ZNF223: variants seen among roughly 807,000 people sequenced by gnomAD.
ZNF223 encodes Homo sapiens zinc finger protein 223.
ZNF223 carries 9 observed loss-of-function variants against 12.3 expected under a neutral mutation model. That is an observed-to-expected ratio of 0.73 (90% CI 0.44 to 1.28). ZNF223 has a LOEUF of 1.28. Ranked by LOEUF, ZNF223 falls within the 50% of genes most tolerant of loss-of-function variation. ZNF223 has a pLI of 0.00. For synonymous variants in ZNF223, 171 were observed against 195.2 expected (o/e 0.88, Z 1.03); for missense variants, 506 against 579.0 (o/e 0.87, Z 1.29).
chr19:44,051,876 TG>T (rs994583379), upstream of ZNF223: 8 of 152,096 alleles, frequency 5.3e-5, no homozygotes, highest in African/African-American at 9.7e-5. Context: ...CGTGGAACAC[TG>T]GGTATTTTGG....
At chr19:44,060,933 C>A in intron 4 of ZNF223, 92 bp downstream of exon 4, 1 of 1,245,048 alleles carries the variant, frequency 8.0e-7, no homozygotes, top group Non-Finnish European at 1.1e-6. Context: ...TCTAAATGGC[C>A]AAACATCTTT....
At chr19:44,056,991 C>A (rs2147470733) in intron 2 of ZNF223, among the ~76,000 whole-genome samples, 1 of 152,018 alleles carries the variant, frequency 6.6e-6, no homozygotes, top group Non-Finnish European at 1.5e-5. Context: ...TAAGAATCTT[C>A]TAAAAGGATA....
chr19:44,056,064 G>A lies in ZNF223; in HGVS notation c.15+873G>A, dbSNP rs1483441401. ...GCTCCCTTGAGTGATGACATCCATAGGTGGCGCTGCTTCTCCCTGTCCTGC... is the reference window on the plus strand; with the variant it reads ...GCTCCCTTGAGTGATGACATCCATAAGTGGCGCTGCTTCTCCCTGTCCTGC... On this transcript the variant is annotated intron_variant, in intron 2 of 4. Coordinates refer to ENST00000434772, the MANE Select transcript of ZNF223 (RefSeq NM_013361.6). 2.0e-5 allele frequency among the ~76,000 whole-genome samples: 3 copies of A among 152,072 alleles called. No individual in the cohort carries two copies. The South Asian group carries it at 6.2e-4, about 32-fold the overall frequency.
At chr19:44,053,087 G>C (rs1046626832) in intron 1 of ZNF223, among the ~76,000 whole-genome samples, 1 of 152,078 alleles carries the variant, frequency 6.6e-6, no homozygotes, top group Non-Finnish European at 1.5e-5. Context: ...CATTTCCATA[G>C]TTGTTCATTT....
chr19:44,055,261 T>TCACTACTCA lies in ZNF223; in HGVS notation c.15+70_15+71insCACTACTCA. 3 of 1,565,412 alleles carry TCACTACTCA rather than the reference T, an allele frequency of 1.9e-6. No homozygotes were observed. The African/African-American group carries it at 4.0e-5, about 21-fold the overall frequency. ...ACTCAGATTGTTGTGTGTTTTTCTCTGCCCTGGGAAGACTCAAGGAGAACA... is the reference window on the plus strand; with the variant it reads ...ACTCAGATTGTTGTGTGTTTTTCTCTCACTACTCAGCCCTGGGAAGACTCAAGGAGAACA... On this transcript the variant is annotated intron_variant, in intron 2 of 4. Transcript: ENST00000434772.
At chr19:44,056,620 G>C (rs1976771828) in intron 2 of ZNF223, among the ~76,000 whole-genome samples, 1 of 100,906 alleles carries the variant, frequency 9.9e-6, no homozygotes, top group African/African-American at 4.6e-5. Context: ...TTGAGATAGA[G>C]TCTCTCTCTG....
rs1976940206 is a variant in ZNF223 at position 44,067,649 on chromosome 19, C to T, written c.*372C>T. 9.9e-6 allele frequency: 4 copies of T among 404,202 alleles called. No homozygotes were observed. The highest frequency in any genetic ancestry group is 3.1e-5 in the Admixed American group (1 of 32,672). 25.0% of individuals were successfully genotyped at this position (404,202 alleles called of 1,614,324 possible). A position where few individuals can be genotyped will look rare whatever the true frequency, so the allele number is the denominator to read the frequency against. Reference sequence around the variant, plus strand: ...GACAGTTTGAAGTTAGTGTTTCAGCCATAGCTCAGCATACCCCAGTGGTCG... The same window carrying T: ...GACAGTTTGAAGTTAGTGTTTCAGCTATAGCTCAGCATACCCCAGTGGTCG... On this transcript the variant is annotated 3_prime_UTR_variant, in exon 5 of 5. Coordinates refer to ENST00000434772, the MANE Select transcript of ZNF223 (RefSeq NM_013361.6).
At position 44,055,162 on chromosome 19, in the gene ZNF223, A is replaced by C. The variant is rs745624731; in HGVS notation, c.-15A>C. ...TCATTCAGGACTCTGCAAATTCCCTAAAGTAGGAGGAAAAATGACCATGTC... is the reference window on the plus strand; with the variant it reads ...TCATTCAGGACTCTGCAAATTCCCTCAAGTAGGAGGAAAAATGACCATGTC... On this transcript the variant is annotated 5_prime_UTR_variant, in exon 2 of 5. Transcript: ENST00000434772. 7.4e-6 allele frequency: 12 copies of C among 1,612,956 alleles called. No individual in the cohort carries two copies. Among genetic ancestry groups the C allele is most frequent in the Non-Finnish European group, 1.0e-5 (12 of 1,179,358 alleles).
rs1599867002 is a variant in ZNF223, at chr19:44,055,003, T to C, written c.-68-106T>C. The C allele has an allele frequency of 1.6e-5, 9 of 548,864 alleles. No homozygotes were observed. The East Asian group carries it at 2.5e-4, about 15-fold the overall frequency. 34.0% of individuals were successfully genotyped at this position (548,864 alleles called of 1,614,324 possible). ...AATTTGGGGTTAGTATGAATAATGCTGCTGTGAGCGTTCATGTGCTAATTG... is the reference window on the plus strand; with the variant it reads ...AATTTGGGGTTAGTATGAATAATGCCGCTGTGAGCGTTCATGTGCTAATTG... On this transcript the variant is annotated intron_variant, in intron 1 of 4. Transcript: ENST00000434772.
chr19:44,054,929 C>T (rs1285843960), intron 1 of ZNF223, among the ~76,000 whole-genome samples, 180 bp from the exon 2 acceptor site: 1 of 152,020 alleles, frequency 6.6e-6, no homozygotes, highest in African/African-American at 2.4e-5. Context: ...ATGAATATGC[C>T]ACAATTTTTC....
At chr19:44,063,151 A>G (rs1457324044) in intron 4 of ZNF223, 1 of 152,198 alleles carries the variant, frequency 6.6e-6, no homozygotes, top group East Asian at 1.9e-4. Context: ...TATAAGTCAC[A>G]GTGTATTAAA....
Position 44,066,511 on chromosome 19 carries a change from G to T in ZNF223, c.683G>T (p.Gly228Val). The change falls in exon 5 of 5, where the codon GGA becomes GTA. Residue 228 changes from glycine to valine, a missense_variant. Transcript: ENST00000434772. Reference protein sequence around the residue: ...HLQTHQRVHTGEKPFKCEQCG... With the variant: ...HLQTHQRVHTVEKPFKCEQCG... The stretch of plus-strand genomic sequence containing the variant: ...CAAACTCATCAGAGAGTCCATACTG[G>T]AGAGAAACCTTTCAAATGTGAACAA... 1 of 1,614,200 alleles carries T rather than the reference G, an allele frequency of 6.2e-7. No homozygotes were observed. Among genetic ancestry groups the T allele is most frequent in the Non-Finnish European group, 8.5e-7 (1 of 1,180,034 alleles).
chr19:44,052,380 G>A (rs1195697289), intron 1 of ZNF223, among the ~76,000 whole-genome samples, 185 bp downstream of exon 1: 1 of 152,170 alleles, frequency 6.6e-6, no homozygotes, highest in East Asian at 1.9e-4. Context: ...CTTTCTCGCA[G>A]TGTGATGTGG....
chr19:44,065,577 CTTTT>C (rs758805971), intron 4 of ZNF223, among the ~76,000 whole-genome samples: 2 of 113,760 alleles, frequency 1.8e-5, no homozygotes, highest in Non-Finnish European at 3.8e-5. Flanking sequence ...TCTTTCTTTT[CTTTT>C]TTTTTTTTTT....
At chr19:44,053,942 A>G (rs1976732705) in intron 1 of ZNF223, among the ~76,000 whole-genome samples, 1 of 152,192 alleles carries the variant, frequency 6.6e-6, no homozygotes, top group Admixed American at 6.5e-5. Flanking sequence ...AATACAACAC[A>G]TGTTTCTGCG....
chr19:44,055,105 C>G lies in ZNF223; in HGVS notation c.-68-4C>G. 5.9e-6 allele frequency: 9 copies of G among 1,532,402 alleles called. No homozygotes were observed. The highest frequency in any genetic ancestry group is 7.2e-6 in the Non-Finnish European group (8 of 1,111,386). The allele number at this position is 1,532,402 out of a possible 1,614,324, so 94.9% of individuals were successfully genotyped here. ...TCTTTTTCTGTCTTCATGGCACTTT[C>G]CAGGCACAATTCTGCTTTCCCTGGA... On this transcript the variant is annotated splice_region_variant and splice_polypyrimidine_tract_variant and intron_variant, in intron 1 of 4. Coordinates refer to ENST00000434772, the MANE Select transcript of ZNF223 (RefSeq NM_013361.6).
chr19:44,064,028 T>C (rs1976874214), intron 4 of ZNF223, among the ~76,000 whole-genome samples: 1 of 152,192 alleles, frequency 6.6e-6, no homozygotes, highest in Non-Finnish European at 1.5e-5. Flanking sequence ...GACAAAGTTT[T>C]GAACATTTTG....
chr19:44,056,531 CAAAAAA>C (rs370032044), intron 2 of ZNF223, among the ~76,000 whole-genome samples: 1 of 76,018 alleles, frequency 1.3e-5, no homozygotes, highest in Non-Finnish European at 2.2e-5. Context: ...GACTCTGTCT[CAAAAAA>C]AAAAAAAAAA....
Position 44,052,151 on chromosome 19 carries a change from C to A in ZNF223, c.-113C>A. Reference sequence around the variant, plus strand: ...TCGCAACCACCCGATGATCGATGATCGTCTCAGGGGAAAAGAAGCCTTGGC... The same window carrying A: ...TCGCAACCACCCGATGATCGATGATAGTCTCAGGGGAAAAGAAGCCTTGGC... On this transcript the variant is annotated 5_prime_UTR_variant, in exon 1 of 5. Transcript: ENST00000434772. 6.5e-6 allele frequency: 1 copy of A among 154,340 alleles called. No homozygotes were observed. Among genetic ancestry groups the A allele is most frequent in the South Asian group, 1.8e-4 (1 of 5,590 alleles). The allele number at this position is 154,340 out of a possible 1,614,324, so 9.6% of individuals were successfully genotyped here.
Sources: gnomAD v4.1 joint callset for allele counts (sites outside exome capture counted in the v4.1 genomes callset) on GRCh38, gnomAD v4.1.1 for gene constraint, MANE v1.5 for transcripts, NCBI Gene and HGNC (gene_info 2026-07-23, HGNC 2026-07-21) for gene names.